Variants in PLPP3 observed in about 807,000 individuals in gnomAD.
PLPP3 encodes the protein PAP2 beta.
A neutral mutation model predicts 29.6 loss-of-function variants in PLPP3; 6 were observed. The ratio of observed to expected loss-of-function variants is 0.20; its 90% CI spans 0.11 to 0.40. The LOEUF is 0.40. Ranked by LOEUF, PLPP3 falls within the 10% of genes least tolerant of loss-of-function variation. The probability of loss-of-function intolerance (pLI) is 1.00; values close to 1 mark genes in which losing one functional copy is unlikely to be tolerated. For synonymous variants in PLPP3, 152 were observed against 159.7 expected (o/e 0.95, Z 0.36); for missense variants, 308 against 407.7 (o/e 0.76, Z 2.11).
intron 1 of PLPP3, among the ~76,000 whole-genome samples, chr1:56,541,183 C>T (rs969863611): frequency 4.6e-5 from 7 of 152,108 alleles, no homozygotes; most frequent in African/African-American, 1.7e-4. Context: ...CTTCAGTTAA[C>T]CCTTATATAA....
chr1:56,551,289 T>C (rs1469925795), intron 1 of PLPP3, among the ~76,000 whole-genome samples: 4 of 149,004 alleles, frequency 2.7e-5, no homozygotes, highest in Non-Finnish European at 6.0e-5. Context: ...GGGTTTGGTT[T>C]GGTTCGGTTC....
At chr1:56,519,153 C>T (rs921993254) in intron 4 of PLPP3, among the ~76,000 whole-genome samples, 10 of 152,064 alleles carry the variant, frequency 6.6e-5, no homozygotes, top group Non-Finnish European at 1.5e-4. Context: ...CTCAAGCGTG[C>T]CCTCCATTCC....
Position 56,579,225 on chromosome 1 carries a change from G to C in PLPP3, c.-209C>G, listed in dbSNP as rs1646260089. The C allele has an allele frequency of 1.8e-6, 1 of 570,182 alleles. No homozygotes were observed. 35.3% of individuals were successfully genotyped at this position (570,182 alleles called of 1,614,324 possible). A position where few individuals can be genotyped will look rare whatever the true frequency, so the allele number is the denominator to read the frequency against. On this transcript the variant is annotated 5_prime_UTR_variant, in exon 1 of 6. Transcript: ENST00000371250. ...TTTTCTGCTCCTCCTGCGCGCCTCT[G>C]CTTTCCTCTGTCAACCCTAAATCGT...
chr1:56,526,356 G>A (rs75274078), intron 2 of PLPP3, among the ~76,000 whole-genome samples: 10,877 of 152,194 alleles, frequency 0.071, 466 homozygotes, highest in Admixed American at 0.14. Context: ...TAATGAAAGG[G>A]ACCATTATAT....
chr1:56,514,312 G>A (rs1207822158), intron 4 of PLPP3, among the ~76,000 whole-genome samples: 1 of 151,786 alleles, frequency 6.6e-6, no homozygotes, highest in Non-Finnish European at 1.5e-5. Context: ...GGGGGCAGGA[G>A]TGGGGGATAT....
In PLPP3 at chr1:56,540,832, G is replaced by C. The variant is rs956337739; in HGVS notation, c.140-3720C>G. Among the ~76,000 whole-genome samples the C allele has an allele frequency of 3.9e-5, 6 of 152,154 alleles. 1 individual carries two copies. The South Asian group carries it at 1.2e-3, about 31-fold the overall frequency. Reference sequence around the variant, plus strand: ...GGCAGCTAGTCCAACTAGGCAACTAGGCAGAGATATAACACTGTGCCTTGC... The same window carrying C: ...GGCAGCTAGTCCAACTAGGCAACTACGCAGAGATATAACACTGTGCCTTGC... On this transcript the variant is annotated intron_variant, in intron 1 of 5. Coordinates refer to ENST00000371250, the MANE Select transcript of PLPP3 (RefSeq NM_003713.5).
intron 1 of PLPP3, among the ~76,000 whole-genome samples, chr1:56,558,199 G>A (rs747636798): frequency 1.3e-5 from 2 of 152,210 alleles, no homozygotes; most frequent in African/African-American, 4.8e-5. Flanking sequence ...AGAACTTCTT[G>A]TTCTCTGGTA....
At chr1:56,513,993 A>T (rs1645764099) in intron 4 of PLPP3, among the ~76,000 whole-genome samples, 1 of 152,096 alleles carries the variant, frequency 6.6e-6, no homozygotes. Context: ...GGAAAAAATT[A>T]TTCTAAAGAT....
chr1:56,539,902 G>A (rs1488610037), intron 1 of PLPP3, among the ~76,000 whole-genome samples: 5 of 152,134 alleles, frequency 3.3e-5, no homozygotes, highest in African/African-American at 9.7e-5. Flanking sequence ...AGTTGCTCTG[G>A]TGCCTAGGAG....
chr1:56,519,373 T>C (rs1219572121), intron 4 of PLPP3, among the ~76,000 whole-genome samples: 2 of 152,174 alleles, frequency 1.3e-5, no homozygotes, highest in African/African-American at 4.8e-5. Context: ...CCCTTGCCCC[T>C]GAGGGACAAT....
intron 1 of PLPP3, among the ~76,000 whole-genome samples, chr1:56,574,705 C>T (rs971791530): frequency 1.3e-5 from 2 of 152,170 alleles, no homozygotes; most frequent in African/African-American, 4.8e-5. Flanking sequence ...TTGCCTTAAC[C>T]TTAATAAAAG....
chr1:56,514,760 A>G (rs1025465307), intron 4 of PLPP3, among the ~76,000 whole-genome samples: 1 of 152,166 alleles, frequency 6.6e-6, no homozygotes, highest in African/African-American at 2.4e-5. Context: ...GAAAAATTAA[A>G]TGATTTCATG....
chr1:56,555,722 T>C (rs1368539329), intron 1 of PLPP3, among the ~76,000 whole-genome samples: 1 of 152,180 alleles, frequency 6.6e-6, no homozygotes, highest in Non-Finnish European at 1.5e-5. Context: ...TTGCCAAGGC[T>C]GATCTTGAAC....
At chr1:56,542,129 T>C (rs1645974175) in intron 1 of PLPP3, among the ~76,000 whole-genome samples, 1 of 152,128 alleles carries the variant, frequency 6.6e-6, no homozygotes, top group Non-Finnish European at 1.5e-5. Context: ...TGACAAACAC[T>C]TAATGGGCAT....
At chr1:56,499,844 A>T (rs1334209756) in intron 5 of PLPP3, among the ~76,000 whole-genome samples, 1 of 152,198 alleles carries the variant, frequency 6.6e-6, no homozygotes, top group Non-Finnish European at 1.5e-5. Context: ...CATTTCCTAC[A>T]GAAGATGATC....
chr1:56,512,350 G>A (rs958956188), intron 4 of PLPP3, 198 bp from the exon 5 acceptor site: 22 of 520,444 alleles, frequency 4.2e-5, no homozygotes, highest in African/African-American at 2.6e-4. Flanking sequence ...GGTGGCTCAC[G>A]TCTGTAATCC....
chr1:56,534,935 TATAAG>T (rs1367343849), intron 2 of PLPP3, among the ~76,000 whole-genome samples: 2 of 152,152 alleles, frequency 1.3e-5, no homozygotes, highest in African/African-American at 2.4e-5. Context: ...ATTAAATAAC[TATAAG>T]ATAAGAGTGG....
intron 5 of PLPP3, among the ~76,000 whole-genome samples, chr1:56,507,263 G>A (rs1456085889): frequency 6.6e-6 from 1 of 152,200 alleles, no homozygotes; most frequent in Non-Finnish European, 1.5e-5. Context: ...AAAGTCAGCT[G>A]TGCCATAGAA....
intron 1 of PLPP3, 24 bp downstream of exon 1, chr1:56,578,854 G>C: frequency 6.6e-7 from 1 of 1,525,260 alleles, no homozygotes; most frequent in Non-Finnish European, 8.8e-7. Flanking sequence ...CCGAGGGGCC[G>C]AGGGACAGCG....
Sources: allele counts gnomAD v4.1 joint callset (sites outside exome capture counted in the v4.1 genomes callset), GRCh38; gene constraint gnomAD v4.1.1; transcripts MANE v1.5; gene names NCBI Gene and HGNC (gene_info 2026-07-23, HGNC 2026-07-21).